Variants in PRDM1 observed in about 807,000 individuals in gnomAD.
The protein encoded by PRDM1 is PR domain zinc finger protein 1.
In PRDM1, 13 loss-of-function variants were observed where a neutral mutation model predicts 62.8. The ratio of observed to expected loss-of-function variants is 0.21; its 90% CI spans 0.13 to 0.33. The LOEUF (loss-of-function observed/expected upper bound fraction) is 0.33, where lower values mean the gene tolerates loss of function less well. PRDM1 is among the 10% of genes least tolerant of loss of function. The probability of loss-of-function intolerance (pLI) is 1.00; values close to 1 mark genes in which losing one functional copy is unlikely to be tolerated. For synonymous variants in PRDM1, 396 were observed against 417.6 expected, an observed-to-expected ratio of 0.95 and a Z score of 0.63; for missense variants, 895 against 1,058.8, an observed-to-expected ratio of 0.85 and a Z score of 2.15.
intron 1 of PRDM1, among the ~76,000 whole-genome samples, chr6:106,071,683 G>A (rs778720608): frequency 5.3e-5 from 8 of 151,380 alleles, no homozygotes; most frequent in Non-Finnish European, 1.2e-4. Context: ...CCAGTTCTTT[G>A]TTAATCTCAG....
At chr6:106,066,918 T>C (rs574120072) in intron 1 of PRDM1, among the ~76,000 whole-genome samples, 20 of 152,358 alleles carry the variant, frequency 1.3e-4, no homozygotes, top group African/African-American at 4.8e-4. Flanking sequence ...CCTGTGGACA[T>C]AGTGTGCCAG....
Position 106,098,730 on chromosome 6 carries a change from C to G in PRDM1, c.412-570C>G, listed in dbSNP as rs1024431332. The G allele has an allele frequency of 9.2e-6, 13 of 1,414,116 alleles. No individual in the cohort carries two copies. In the African/African-American group the frequency reaches 1.7e-4, roughly 19 times the overall value. The allele number at this position is 1,414,116 out of a possible 1,614,324, so 87.6% of individuals were successfully genotyped here. The stretch of plus-strand genomic sequence containing the variant: ...AGTGTTTCCACAAAAAGGCAAGGTT[C>G]CAAGTATTCATATGAACAAGTGTTA... On this transcript the variant is annotated intron_variant, in intron 3 of 6. Transcript: ENST00000369096.
intron 2 of PRDM1, among the ~76,000 whole-genome samples, chr6:106,090,551 C>G (rs1773935560): frequency 6.6e-6 from 1 of 152,158 alleles, no homozygotes; most frequent in Admixed American, 6.5e-5. Flanking sequence ...TGGGAAAGGA[C>G]AGCTTCCTTT....
In PRDM1 at chr6:106,106,435, C is replaced by T; in HGVS notation, c.1838C>T (p.Thr613Ile). ...FKCQTCNKGF[T>I]QLAHLQKHYL... is the part of the protein sequence containing the mutation. Reference sequence around the variant, plus strand: ...TGTCAGACTTGCAACAAGGGCTTTACTCAGCTCGCCCACCTGCAGAAACAC... The same window carrying T: ...TGTCAGACTTGCAACAAGGGCTTTATTCAGCTCGCCCACCTGCAGAAACAC... Residue 613 changes from threonine (T) to isoleucine (I), a missense_variant, in exon 6 of 7, where the codon ACT becomes ATT. Thr to Ile is a moderately conservative substitution (Grantham distance 89). Around this residue, in one of 4 missense-constraint regions of PRDM1, gnomAD observed 74 missense variants for 172.4 expected, o/e 0.43. Coordinates refer to ENST00000369096, the MANE Select transcript of PRDM1 (RefSeq NM_001198.4). The surrounding 1 kb of genome is among the most constrained non-coding windows in gnomAD (Gnocchi z 4.4). 1.2e-6 allele frequency: 2 copies of T among 1,614,186 alleles called. No individual in the cohort carries two copies. The highest frequency in any genetic ancestry group is 1.7e-6 in the Non-Finnish European group (2 of 1,180,030).
At chr6:106,077,506 C>T (rs1562160897) in intron 1 of PRDM1, among the ~76,000 whole-genome samples, 1 of 152,230 alleles carries the variant, frequency 6.6e-6, no homozygotes, top group Non-Finnish European at 1.5e-5. Flanking sequence ...GCACTGTCAC[C>T]ATCACCCAGC....
intron 1 of PRDM1, among the ~76,000 whole-genome samples, chr6:106,034,623 C>T (rs917568549): frequency 7.8e-6 from 1 of 128,920 alleles, no homozygotes; most frequent in African/African-American, 3.0e-5. Flanking sequence ...TACAGTCTTT[C>T]ATGTTCTCTC....
intron 1 of PRDM1, among the ~76,000 whole-genome samples, chr6:106,026,531 C>G (rs1184234974): frequency 1.3e-5 from 2 of 151,848 alleles, no homozygotes; most frequent in Admixed American, 1.3e-4. Flanking sequence ...GAGCCGAAAA[C>G]TGAACAATGT....
At chr6:106,015,890 TAA>T (rs1193361779) in intron 1 of PRDM1, among the ~76,000 whole-genome samples, 1 of 152,148 alleles carries the variant, frequency 6.6e-6, no homozygotes, top group Admixed American at 6.6e-5. Context: ...TCAGTAGCAT[TAA>T]GTTTATTCCC....
chr6:106,051,121 G>A (rs1177081714), intron 1 of PRDM1, among the ~76,000 whole-genome samples: 1 of 152,142 alleles, frequency 6.6e-6, no homozygotes, highest in Non-Finnish European at 1.5e-5. Flanking sequence ...TCCAGTTTGT[G>A]TATTTTTTTC....
chr6:106,027,516 T>G (rs1052076733), intron 1 of PRDM1, among the ~76,000 whole-genome samples: 1 of 151,660 alleles, frequency 6.6e-6, no homozygotes, highest in African/African-American at 2.4e-5. Flanking sequence ...AAAGCCCTAA[T>G]GGGAGGGCGG....
At chr6:106,075,108 G>A (rs557481239) in intron 1 of PRDM1, among the ~76,000 whole-genome samples, 6,133 of 152,152 alleles carry the variant, frequency 0.04, 400 homozygotes, top group African/African-American at 0.14. Context: ...GACCAAATTA[G>A]GGGGGAATTT....
intron 1 of PRDM1, among the ~76,000 whole-genome samples, chr6:106,003,210 C>A (rs899740386): frequency 1.3e-5 from 2 of 152,120 alleles, no homozygotes; most frequent in African/African-American, 4.8e-5. Flanking sequence ...AAGCAGGACA[C>A]TTTTGAGACT....
At position 106,105,847 on chromosome 6, in the gene PRDM1, C is replaced by T. The variant is rs771286566; in HGVS notation, c.1687C>T (p.Pro563Ser). 8.1e-6 allele frequency: 13 copies of T among 1,614,202 alleles called. No homozygotes were observed. In the South Asian group the frequency reaches 1.4e-4, roughly 18 times the overall value. ...KRNMTGYKTL[P>S]YPLKKQNGKI... is the part of the protein sequence containing the mutation. ...AAACATGACCGGCTACAAGACCCTT[C>T]CCTACCCGCTGAAGAAGCAGAACGG... The change falls in exon 5 of 7, where the codon CCC becomes TCC. Residue 563 changes from proline (P) to serine (S), a missense_variant. Coordinates refer to ENST00000369096, the MANE Select transcript of PRDM1 (RefSeq NM_001198.4).
rs74985064 is a variant in PRDM1, at chr6:106,012,459, C to T, written c.-67+18820C>T. On this transcript the variant is annotated intron_variant, in intron 1 of 6. Coordinates refer to the PRDM1 transcript ENST00000652320. ...ACACAAACATATCACATGCATATCA[C>T]ACCCCTCCACATTCACACACACACA... is the stretch of plus-strand genomic sequence containing the variant. Among the ~76,000 whole-genome samples the T allele has an allele frequency of 8.1e-3, 1,227 of 151,472 alleles. 15 individuals carry two copies. Among genetic ancestry groups the T allele is most frequent in the African/African-American group, 0.029 (1,188 of 41,300 alleles).
chr6:106,037,829 T>C (rs1207843648), intron 1 of PRDM1, among the ~76,000 whole-genome samples: 3 of 151,778 alleles, frequency 2.0e-5, no homozygotes, highest in Non-Finnish European at 4.4e-5. Flanking sequence ...CTTTGTCTAG[T>C]AGGTCTGCTA....
At chr6:106,015,468 C>T (rs1772607378) in intron 1 of PRDM1, among the ~76,000 whole-genome samples, 1 of 152,028 alleles carries the variant, frequency 6.6e-6, no homozygotes, top group African/African-American at 2.4e-5. Context: ...AGGTGCTAAA[C>T]AATGAATATG....
At chr6:106,089,810 A>T (rs1476393850) in intron 2 of PRDM1, among the ~76,000 whole-genome samples, 1 of 152,156 alleles carries the variant, frequency 6.6e-6, no homozygotes, top group African/African-American at 2.4e-5. Context: ...CTATGGCTTT[A>T]AAAAGTGTAG....
intron 4 of PRDM1, 109 bp from the exon 5 acceptor site, chr6:106,104,714 TTG>T: frequency 7.6e-7 from 1 of 1,315,578 alleles, no homozygotes; most frequent in South Asian, 1.5e-5. Context: ...TATGTGGCGA[TTG>T]TGTCGCCAGC....
intron 1 of PRDM1, among the ~76,000 whole-genome samples, chr6:106,074,918 G>A (rs555417046): frequency 6.6e-6 from 1 of 152,312 alleles, no homozygotes; most frequent in East Asian, 1.9e-4. Flanking sequence ...AGATTGCAGT[G>A]ATCCGAGGCC....
Sources: allele counts gnomAD v4.1 joint callset (sites outside exome capture counted in the v4.1 genomes callset), GRCh38; gene constraint gnomAD v4.1.1; regional missense constraint gnomAD v4.1.1; non-coding constraint Gnocchi (gnomAD v3.1); transcripts MANE v1.5; gene names NCBI Gene and HGNC (gene_info 2026-07-23, HGNC 2026-07-21).